BMPR1B: variants seen among roughly 807,000 people sequenced by gnomAD.
The protein encoded by BMPR1B is bone morphogenetic protein receptor type-1B.
BMPR1B carries 12 observed loss-of-function variants against 59.1 expected under a neutral mutation model. The observed-to-expected ratio is 0.20, with a 90% CI of 0.13 to 0.33. The LOEUF is 0.33. Ranked by LOEUF, BMPR1B falls within the 10% of genes least tolerant of loss-of-function variation. The pLI is 1.00. For synonymous variants in BMPR1B, 237 were observed against 207.3 expected (o/e 1.14, Z -1.23); for missense variants, 550 against 610.9 (o/e 0.90, Z 1.05).
intron 2 of BMPR1B, among the ~76,000 whole-genome samples, chr4:94,980,434 G>C (rs1185225773): frequency 1.3e-5 from 2 of 151,706 alleles, no homozygotes; most frequent in African/African-American, 4.9e-5. Flanking sequence ...GTTTTCTTCA[G>C]TGACATTGAT....
At chr4:94,832,777 C>T (rs1364321277) in intron 1 of BMPR1B, among the ~76,000 whole-genome samples, 6 of 150,454 alleles carry the variant, frequency 4.0e-5, no homozygotes, top group East Asian at 2.0e-4. Flanking sequence ...AGTAATGCTC[C>T]GTCTCAAAAA....
At chr4:94,902,569 A>C (rs1727873377) in intron 2 of BMPR1B, among the ~76,000 whole-genome samples, 1 of 151,728 alleles carries the variant, frequency 6.6e-6, no homozygotes, top group South Asian at 2.1e-4. Context: ...AAATAGCAAA[A>C]TGTTAATATT....
intron 8 of BMPR1B, among the ~76,000 whole-genome samples, chr4:95,125,998 T>C (rs370742672): frequency 3.3e-5 from 5 of 152,142 alleles, no homozygotes; most frequent in South Asian, 2.1e-4. Context: ...ATCCACGTCA[T>C]TGCAAATGTA....
chr4:94,948,634 C>T (rs1036430884), intron 2 of BMPR1B, among the ~76,000 whole-genome samples: 3 of 152,162 alleles, frequency 2.0e-5, no homozygotes, highest in African/African-American at 7.2e-5. Flanking sequence ...GAAGGACCTG[C>T]AGTTTCTCTT....
chr4:95,078,829 C>T (rs1015703863), intron 3 of BMPR1B, among the ~76,000 whole-genome samples: 1 of 152,164 alleles, frequency 6.6e-6, no homozygotes, highest in African/African-American at 2.4e-5. Context: ...ACAATCACAG[C>T]TCGCTGCAGC....
intron 2 of BMPR1B, among the ~76,000 whole-genome samples, chr4:94,963,392 A>T (rs1206024165): frequency 1.3e-5 from 2 of 152,040 alleles, no homozygotes; most frequent in East Asian, 1.9e-4. Context: ...TATGCTTTTG[A>T]GGTCTTACAC....
At chr4:95,065,987 G>A (rs879288113) in intron 3 of BMPR1B, among the ~76,000 whole-genome samples, 12 of 152,086 alleles carry the variant, frequency 7.9e-5, no homozygotes, top group Middle Eastern at 3.2e-3. Flanking sequence ...AAAACTTAGC[G>A]CAGTAGCCCA....
intron 2 of BMPR1B, among the ~76,000 whole-genome samples, chr4:94,987,680 AC>A (rs1721500838): frequency 6.6e-6 from 1 of 151,996 alleles, no homozygotes. Flanking sequence ...TTTCAGGACC[AC>A]TTTTTTGACC....
At chr4:95,035,371 A>G (rs976338928) in intron 3 of BMPR1B, among the ~76,000 whole-genome samples, 5 of 151,794 alleles carry the variant, frequency 3.3e-5, no homozygotes, top group Non-Finnish European at 5.9e-5. Context: ...TGTCTAGGAG[A>G]GTTTTTCCAA....
chr4:95,116,419 G>GCACACACACA lies in BMPR1B; in HGVS notation c.349+633_349+634insACACACACAC, dbSNP rs1168592798. Among the ~76,000 whole-genome samples the GCACACACACA allele has an allele frequency of 9.4e-3, 478 of 51,076 alleles. 1 individual carries two copies. Among genetic ancestry groups the GCACACACACA allele is most frequent in the Non-Finnish European group, 0.012 (326 of 27,250 alleles). 33.5% of individuals were successfully genotyped at this position (51,076 alleles called of 152,430 possible). A position where few individuals can be genotyped will look rare whatever the true frequency, so the allele number is the denominator to read the frequency against. On this transcript the variant is annotated intron_variant, in intron 6 of 12. Coordinates refer to ENST00000515059, the MANE Select transcript of BMPR1B (RefSeq NM_001203.3). ...TTCTCCTCCTCCATGCTTTCAGCGC[G>GCACACACACA]CGCACACACACACACACACACACAC...
At chr4:94,779,700 C>T (rs1255523458) in intron 1 of BMPR1B, among the ~76,000 whole-genome samples, 3 of 152,010 alleles carry the variant, frequency 2.0e-5, no homozygotes, top group Non-Finnish European at 2.9e-5. Context: ...GGTGTGGTGG[C>T]ACGTGCCTGT....
intron 1 of BMPR1B, among the ~76,000 whole-genome samples, chr4:94,800,664 C>T (rs1386774478): frequency 1.3e-5 from 2 of 152,000 alleles, no homozygotes. Flanking sequence ...GTGTCCTCAG[C>T]AGTAAAATGG....
At chr4:94,952,222 T>C (rs758095206) in intron 2 of BMPR1B, among the ~76,000 whole-genome samples, 14 of 152,330 alleles carry the variant, frequency 9.2e-5, no homozygotes, top group East Asian at 1.9e-4. Flanking sequence ...CCTGGATTCA[T>C]TGATTTTTTT....
At chr4:94,903,537 A>G (rs1301112226) in intron 2 of BMPR1B, among the ~76,000 whole-genome samples, 4 of 151,498 alleles carry the variant, frequency 2.6e-5, no homozygotes, top group Admixed American at 6.6e-5. Flanking sequence ...TAAAAAGACA[A>G]TCTTTTAAGA....
At chr4:94,958,987 G>A (rs1189952937) in intron 2 of BMPR1B, among the ~76,000 whole-genome samples, 1 of 152,092 alleles carries the variant, frequency 6.6e-6, no homozygotes, top group East Asian at 1.9e-4. Flanking sequence ...TTGGAAACAC[G>A]AGGAAGCTGA....
At chr4:94,942,894 A>G (rs1729569380) in intron 2 of BMPR1B, among the ~76,000 whole-genome samples, 3 of 152,230 alleles carry the variant, frequency 2.0e-5, no homozygotes, top group Admixed American at 1.3e-4. Flanking sequence ...CTAGGGAACT[A>G]TCTAACACTT....
chr4:94,928,314 C>T (rs1323896401), intron 2 of BMPR1B, among the ~76,000 whole-genome samples: 9 of 151,816 alleles, frequency 5.9e-5, no homozygotes, highest in African/African-American at 1.9e-4. Context: ...AGGCATGCAC[C>T]ACTGTTTATT....
chr4:94,844,024 C>A (rs6817662), intron 1 of BMPR1B, among the ~76,000 whole-genome samples: 2 of 152,058 alleles, frequency 1.3e-5, no homozygotes, highest in East Asian at 3.9e-4. Flanking sequence ...GGGGGAAATG[C>A]GGAGATGTTG....
chr4:94,908,016 T>C (rs1161271876), intron 2 of BMPR1B, among the ~76,000 whole-genome samples: 1 of 124,982 alleles, frequency 8.0e-6, no homozygotes, highest in Non-Finnish European at 1.6e-5. Context: ...TACCTGTGAA[T>C]AGCCATGGCC....
Sources: gnomAD v4.1 joint callset for allele counts (sites outside exome capture counted in the v4.1 genomes callset) on GRCh38, gnomAD v4.1.1 for gene constraint, MANE v1.5 for transcripts, NCBI Gene and HGNC (gene_info 2026-07-23, HGNC 2026-07-21) for gene names.